Variants in FMR1 observed in about 807,000 individuals in gnomAD.
The protein encoded by FMR1 is fragile X messenger ribonucleoprotein 1.
Under a neutral mutation model 50.6 loss-of-function variants are expected in FMR1, and 13 were observed. That is an observed-to-expected ratio of 0.26 (90% CI 0.17 to 0.41). The LOEUF is 0.41. FMR1 is among the 10% of genes least tolerant of loss of function. The pLI is 1.00. For missense variants in FMR1, 316 were observed against 491.3 expected (o/e 0.64, Z 3.37); for synonymous variants, 138 against 164.1 (o/e 0.84, Z 1.22).
chrX:147,923,306 A>C (rs781833234), intron 2 of FMR1, among the ~76,000 whole-genome samples: 1 of 112,102 alleles, frequency 8.9e-6, no homozygotes, highest in Admixed American at 9.4e-5. Flanking sequence ...TAAAGCCAAA[A>C]GTTTTAGTAT....
chrX:147,937,567 T>A lies in FMR1; in HGVS notation c.1092T>A (p.His364Gln). Residue 364 changes from histidine to glutamine, a missense_variant, in exon 11 of 17, where the codon CAT becomes CAA. This residue lies in a region of FMR1 where 53 missense variants were observed against 51.5 expected (regional missense o/e 1.03). Transcript: ENST00000370475. Reference sequence around the variant, plus strand: ...TAGATATAAAGGAAAACAGCACCCATTTTTCTCAACCTAACAGTACAAAAG... The same window carrying A: ...TAGATATAAAGGAAAACAGCACCCAATTTTCTCAACCTAACAGTACAAAAG... ...KHLDIKENST[H>Q]FSQPNSTKVQ... 1 of 1,101,921 alleles carries A rather than the reference T, an allele frequency of 9.1e-7. No individual in the cohort carries two copies. Among genetic ancestry groups the A allele is most frequent in the Non-Finnish European group, 1.3e-6 (1 of 795,715 alleles). The allele number at this position is 1,101,921 out of a possible 1,213,427, so 90.8% of individuals were successfully genotyped here. A position where few individuals can be genotyped will look rare whatever the true frequency, so the allele number is the denominator to read the frequency against.
intron 13 of FMR1, among the ~76,000 whole-genome samples, chrX:147,941,859 C>T (rs1159566699): frequency 8.9e-6 from 1 of 112,257 alleles, no homozygotes; most frequent in Non-Finnish European, 1.9e-5. Flanking sequence ...TTATCAGCAG[C>T]TGCCCTGTTG....
intron 3 of FMR1, among the ~76,000 whole-genome samples, chrX:147,926,287 T>TA (rs2043384005): frequency 1.8e-5 from 2 of 111,774 alleles, no homozygotes; most frequent in Non-Finnish European, 1.9e-5. Flanking sequence ...GTTTGTGTGG[T>TA]ATCTTCTCTC....
intron 9 of FMR1, among the ~76,000 whole-genome samples, chrX:147,935,208 A>C (rs1281177482): frequency 8.9e-6 from 1 of 111,985 alleles, no homozygotes; most frequent in Non-Finnish European, 1.9e-5. Flanking sequence ...AGAAGAACAG[A>C]AATAATTGAC....
rs782531620 is a variant in FMR1 at position 147,944,433 on chromosome X, A to T, written c.1472-436A>T. ...CTTTGCCACCCTCTCAGAAATGACC[A>T]AAATATATACATTCCCCTCTGTCCT... On this transcript the variant is annotated intron_variant, in intron 14 of 16. Transcript: ENST00000370475. 66 of 751,533 alleles carry T rather than the reference A, an allele frequency of 8.8e-5. No homozygotes were observed. The African/African-American group carries it at 1.5e-3, about 17-fold the overall frequency. 61.9% of individuals were successfully genotyped at this position (751,533 alleles called of 1,213,427 possible). A position where few individuals can be genotyped will look rare whatever the true frequency, so the allele number is the denominator to read the frequency against.
intron 2 of FMR1, among the ~76,000 whole-genome samples, chrX:147,923,602 C>T (rs1411091250): frequency 1.8e-5 from 2 of 111,822 alleles, no homozygotes; most frequent in African/African-American, 3.2e-5. Flanking sequence ...TATTAGATCA[C>T]TTCTTTTTAA....
intron 16 of FMR1, chrX:147,947,371 C>T (rs1346816853): frequency 1.1e-5 from 1 of 94,688 alleles, no homozygotes; most frequent in African/African-American, 4.0e-5. Flanking sequence ...AAGATCTTGC[C>T]ATTGCACTCC....
intron 2 of FMR1, among the ~76,000 whole-genome samples, chrX:147,923,335 A>G (rs986071544): frequency 2.7e-5 from 3 of 112,194 alleles, no homozygotes; most frequent in African/African-American, 9.7e-5. Flanking sequence ...TCGCTGTTTC[A>G]TATATCCATG....
chrX:147,943,545 G>T (rs1387558573), intron 14 of FMR1: 1 of 413,038 alleles, frequency 2.4e-6, no homozygotes, highest in African/African-American at 2.5e-5. Flanking sequence ...CTCTGATTGG[G>T]GGTAAATCTG....
At position 147,912,740 on chromosome X, in the gene FMR1, G is replaced by A. The variant is rs1235932672; in HGVS notation, c.51+510G>A. On this transcript the variant is annotated intron_variant, in intron 1 of 16. Coordinates refer to ENST00000370475, the MANE Select transcript of FMR1 (RefSeq NM_002024.6). ...TTTTCCGGTCTAGCATTGGGACTTC[G>A]GAGAGCTCCACTGTTCTGGGCGAGG... The A allele has an allele frequency of 1.2e-4, 36 of 296,310 alleles. 1 individual carries two copies. The highest frequency in any genetic ancestry group is 5.9e-6 in the Non-Finnish European group (1 of 170,204). 24.4% of individuals were successfully genotyped at this position (296,310 alleles called of 1,213,427 possible). A position where few individuals can be genotyped will look rare whatever the true frequency, so the allele number is the denominator to read the frequency against.
chrX:147,937,762 A>G (rs782012600), intron 11 of FMR1, among the ~76,000 whole-genome samples, 162 bp downstream of exon 11: 57 of 112,105 alleles, frequency 5.1e-4, no homozygotes, highest in African/African-American at 1.8e-3. Context: ...AATTAGTGTG[A>G]TACATACTTT....
intron 1 of FMR1, among the ~76,000 whole-genome samples, chrX:147,918,970 G>A (rs1436774123): frequency 1.8e-5 from 2 of 111,360 alleles, no homozygotes; most frequent in Non-Finnish European, 3.8e-5. Context: ...GTCTTGGGTA[G>A]ATACTTGATT....
chrX:147,921,963 A>G lies in FMR1; in HGVS notation c.82A>G (p.Ile28Val), dbSNP rs2043190030. 1.7e-6 allele frequency: 2 copies of G among 1,146,937 alleles called. No homozygotes were observed. Among genetic ancestry groups the G allele is most frequent in the Admixed American group, 4.4e-5 (2 of 45,821 alleles). The allele number at this position is 1,146,937 out of a possible 1,213,427, so 94.5% of individuals were successfully genotyped here. ...AFVKDVHEDS[I>V]TVAFENNWQP... is the part of the protein sequence containing the mutation. Reference sequence around the variant, plus strand: ...TGTAAAGGATGTTCATGAAGATTCAATAACAGTTGCATTTGAAAACAAGTA... The same window carrying G: ...TGTAAAGGATGTTCATGAAGATTCAGTAACAGTTGCATTTGAAAACAAGTA... Residue 28 changes from isoleucine to valine, a missense_variant, in exon 2 of 17, where the codon ATA (isoleucine) becomes GTA (valine). Ile to Val is a conservative substitution (Grantham distance 29). Coordinates refer to ENST00000370475, the MANE Select transcript of FMR1 (RefSeq NM_002024.6).
chrX:147,918,684 G>C (rs1317625986), intron 1 of FMR1, among the ~76,000 whole-genome samples: 1 of 102,041 alleles, frequency 9.8e-6, no homozygotes, highest in African/African-American at 3.6e-5. Context: ...ATAACTTTTA[G>C]GCAAAGAGAA....
rs782070708 is a variant in FMR1, at chrX:147,940,557, G to A, written c.1189-19G>A. The A allele has an allele frequency of 1.9e-6, 2 of 1,061,677 alleles. No homozygotes were observed. Among genetic ancestry groups the A allele is most frequent in the Admixed American group, 4.4e-5 (2 of 45,886 alleles). 87.5% of individuals were successfully genotyped at this position (1,061,677 alleles called of 1,213,427 possible). On this transcript the variant is annotated intron_variant, in intron 12 of 16. Coordinates refer to ENST00000370475, the MANE Select transcript of FMR1 (RefSeq NM_002024.6). ...CTATCATTACTTTTATAGGATCATT[G>A]TTGCAATTTCTTTTTCAGGGTATGG...
intron 1 of FMR1, among the ~76,000 whole-genome samples, chrX:147,918,652 A>G (rs1199997210): frequency 2.0e-5 from 2 of 102,426 alleles, no homozygotes; most frequent in Non-Finnish European, 3.9e-5. Flanking sequence ...GCAAATGTAG[A>G]TAAGTATGAT....
chrX:147,943,075 T>G (rs1166930967), intron 13 of FMR1, 56 bp from the exon 14 acceptor site: 1 of 1,014,689 alleles, frequency 9.9e-7, no homozygotes, highest in African/African-American at 1.9e-5. Flanking sequence ...AGGAGAAAGG[T>G]TTTATTAAGT....
intron 9 of FMR1, 122 bp from the exon 10 acceptor site, chrX:147,936,382 C>T (rs1936491262): frequency 2.1e-6 from 1 of 487,253 alleles, no homozygotes; most frequent in Non-Finnish European, 3.6e-6. Flanking sequence ...TCTTACAATT[C>T]AATACATACA....
intron 16 of FMR1, chrX:147,948,339 C>T (rs1250776110): frequency 2.6e-5 from 12 of 456,980 alleles, no homozygotes; most frequent in Non-Finnish European, 3.4e-5. Context: ...GTGTTAGAGG[C>T]ATGTATGTCT....
Sources: allele counts gnomAD v4.1 joint callset (sites outside exome capture counted in the v4.1 genomes callset), GRCh38; gene constraint gnomAD v4.1.1; regional missense constraint gnomAD v4.1.1; transcripts MANE v1.5; gene names NCBI Gene and HGNC (gene_info 2026-07-23, HGNC 2026-07-21).